The following SLAMF9 variants were observed in gnomAD, a reference collection of about 807,000 sequenced individuals.
The protein encoded by SLAMF9 is CD2 family member 10.
In SLAMF9, 25 loss-of-function variants were observed where a neutral mutation model predicts 30.4. That is an observed-to-expected ratio of 0.82 (90% CI 0.60 to 1.15). The LOEUF (loss-of-function observed/expected upper bound fraction) is 1.15. Among genes scored for constraint, SLAMF9 ranks in the 50% most tolerant of loss-of-function variants. The pLI, the probability that SLAMF9 is intolerant of heterozygous loss-of-function variation, is 0.00. For missense variants in SLAMF9, 344 were observed against 346.1 expected (o/e 0.99, Z 0.05); for synonymous variants, 129 against 127.2 (o/e 1.01, Z -0.09).
the SLAMF9 span, chr1:159,972,982 C>T: frequency 7.6e-7 from 1 of 1,319,534 alleles, no homozygotes; most frequent in Non-Finnish European, 1.0e-6. Context: ...CGTCGCCACT[C>T]CCTCGCTCAT....
rs758901028 is a variant in SLAMF9 at position 159,953,657 on chromosome 1, T to C, written c.47-4A>G. The C allele has an allele frequency of 9.4e-6, 15 of 1,587,690 alleles. No homozygotes were observed. Among genetic ancestry groups the C allele is most frequent in the Admixed American group, 5.1e-5 (3 of 58,526 alleles). On this transcript the variant is annotated splice_polypyrimidine_tract_variant and splice_region_variant and intron_variant, in intron 1 of 3. Coordinates refer to ENST00000368093, the MANE Select transcript of SLAMF9 (RefSeq NM_033438.4). ...CTCCAGAGTCTCCTTTGGCTGCCTA[T>C]GCAGGAAGAAAAGAGAAGCAAACAA... is the stretch of plus-strand genomic sequence containing the variant.
At chr1:159,955,411 C>G (rs946983250), upstream of SLAMF9, among the ~76,000 whole-genome samples, 63 of 152,210 alleles carry the variant, frequency 4.1e-4, no homozygotes, top group Non-Finnish European at 6.5e-4. Flanking sequence ...TAAGTTTCTT[C>G]TAATAATCAA....
chr1:159,977,596 G>A, the SLAMF9 span, among the ~76,000 whole-genome samples: 1 of 152,212 alleles, frequency 6.6e-6, no homozygotes, highest in Non-Finnish European at 1.5e-5. Flanking sequence ...GAGAAGCCTG[G>A]TGTAAATGGA....
the SLAMF9 span, chr1:159,972,883 G>A: frequency 1.0e-6 from 1 of 995,796 alleles, no homozygotes; most frequent in Non-Finnish European, 1.4e-6. Flanking sequence ...GACCACCCAA[G>A]ACCCTGGCTC....
At chr1:159,973,932 G>A in the SLAMF9 span, 1 of 1,612,180 alleles carries the variant, frequency 6.2e-7, no homozygotes, top group Non-Finnish European at 8.5e-7. Flanking sequence ...GTTTTCCTTA[G>A]AGAAATGAAG....
the SLAMF9 span, among the ~76,000 whole-genome samples, chr1:159,971,841 C>T: frequency 8.5e-4 from 129 of 152,012 alleles, no homozygotes; most frequent in Non-Finnish European, 1.6e-3. Flanking sequence ...ATCTTCAGGC[C>T]GCACCTGGAC....
At chr1:159,957,656 GT>G (rs1355477299), upstream of SLAMF9, among the ~76,000 whole-genome samples, 3 of 152,156 alleles carry the variant, frequency 2.0e-5, no homozygotes, top group East Asian at 5.8e-4. Flanking sequence ...GATTTTCAGT[GT>G]TCTTACCACA....
chr1:159,953,656 A>T lies in SLAMF9; in HGVS notation c.47-3T>A. On this transcript the variant is annotated splice_polypyrimidine_tract_variant and splice_region_variant and intron_variant, in intron 1 of 3. Transcript: ENST00000368093. ...TCTCCAGAGTCTCCTTTGGCTGCCT[A>T]TGCAGGAAGAAAAGAGAAGCAAACA... 1 of 1,587,452 alleles carries T rather than the reference A, an allele frequency of 6.3e-7. No individual in the cohort carries two copies. Among genetic ancestry groups the T allele is most frequent in the Non-Finnish European group, 8.6e-7 (1 of 1,163,674 alleles).
At position 159,952,409 on chromosome 1, in the gene SLAMF9, C is replaced by T. The variant is rs1364611108; in HGVS notation, c.517G>A (p.Gly173Arg). 3 of 1,613,964 alleles carry T rather than the reference C, an allele frequency of 1.9e-6. No individual in the cohort carries two copies. Among genetic ancestry groups the T allele is most frequent in the African/African-American group, 2.7e-5 (2 of 74,868 alleles). Residue 173 changes from glycine to arginine, a missense_variant, in exon 3 of 4, where the codon GGG becomes AGG. Physicochemically the swap from Gly to Arg is moderately radical, Grantham distance 125 (BLOSUM62 -2). Coordinates refer to ENST00000368093, the MANE Select transcript of SLAMF9 (RefSeq NM_033438.4). ...MDMTYSWLSR[G>R]DSTYTFHEGP... ...TCATGGAATGTATAAGTGCTATCCC[C>T]CCGGGAGAGCCAGCTGTAGGTCATA...
chr1:159,977,684 G>A, the SLAMF9 span, among the ~76,000 whole-genome samples: 1 of 152,182 alleles, frequency 6.6e-6, no homozygotes, highest in Non-Finnish European at 1.5e-5. Flanking sequence ...AAAGGACCCT[G>A]AGGCTTTCTC....
chr1:159,951,757 TCGGATGACC>T lies in SLAMF9; in HGVS notation c.765_773del (p.Trp255_Arg258delinsTer), dbSNP rs1651752575. 1 of 1,614,046 alleles carries T rather than the reference TCGGATGACC, an allele frequency of 6.2e-7. No individual in the cohort carries two copies. Among genetic ancestry groups the T allele is most frequent in the South Asian group, 1.1e-5 (1 of 91,090 alleles). ...TTGGCATTTTGTGTCTTTTCTGGAC[TCGGATGACC>T]CAGAGTCCCATGGCCAGAATTACCA... is the stretch of plus-strand genomic sequence containing the variant. On this transcript the variant is annotated stop_gained and inframe_deletion, in exon 4 of 4. Transcript: ENST00000368093. LOFTEE classifies it high-confidence loss of function.
the SLAMF9 span, among the ~76,000 whole-genome samples, chr1:159,971,674 T>G: frequency 3.3e-5 from 5 of 152,144 alleles, no homozygotes; most frequent in Admixed American, 6.5e-5. Flanking sequence ...TGACTTGGAC[T>G]CGTTCTATCA....
At chr1:159,955,687 T>C (rs1651908543), upstream of SLAMF9, among the ~76,000 whole-genome samples, 1 of 152,246 alleles carries the variant, frequency 6.6e-6, no homozygotes, top group Non-Finnish European at 1.5e-5. Context: ...ACAAGTTTGA[T>C]GAATCTTACC....
At chr1:159,951,976 G>T in intron 3 of SLAMF9, 110 bp from the exon 4 acceptor site, 2 of 893,828 alleles carry the variant, frequency 2.2e-6, no homozygotes, top group South Asian at 1.6e-5. Context: ...ACAATCAGTT[G>T]AAGTCCCCTT....
chr1:159,976,299 A>T, the SLAMF9 span, among the ~76,000 whole-genome samples: 1 of 152,194 alleles, frequency 6.6e-6, no homozygotes, highest in Admixed American at 6.5e-5. Flanking sequence ...AACAAGGTAG[A>T]TCCATAAATA....
At chr1:159,973,665 C>T in the SLAMF9 span, 8 of 760,098 alleles carry the variant, frequency 1.1e-5, no homozygotes, top group African/African-American at 3.5e-5. Context: ...TGGGAAACCT[C>T]GGGTCCCCAC....
In SLAMF9 at chr1:159,953,605, G is replaced by A. The variant is rs61732670; in HGVS notation, c.95C>T (p.Ala32Val). 2.1e-3 allele frequency: 3,370 copies of A among 1,612,270 alleles called. 77 individuals are homozygous for A. In the African/African-American group the frequency reaches 0.039, roughly 19 times the overall value. The change falls in exon 2 of 4, where the codon GCG (alanine) becomes GTG (valine). Residue 32 changes from alanine to valine, a missense_variant. Physicochemically the swap from Ala to Val is moderately conservative, Grantham distance 64. Transcript: ENST00000368093. ...GAGGCTGATGGACTCCTGAAGGACC[G>A]CAACCACTTCCTCGGATCCACACCA... is the stretch of plus-strand genomic sequence containing the variant. ...WRWCGSEEVVAVLQESISLPL... is the reference protein window; with the variant it reads ...WRWCGSEEVVVVLQESISLPL...
upstream of SLAMF9, among the ~76,000 whole-genome samples, chr1:159,958,184 G>T (rs959569729): frequency 2.6e-5 from 4 of 152,242 alleles, no homozygotes; most frequent in African/African-American, 9.6e-5. Context: ...GATCCCGAAG[G>T]TGCTGCAGCT....
At chr1:159,975,962 T>C in the SLAMF9 span, among the ~76,000 whole-genome samples, 8 of 152,332 alleles carry the variant, frequency 5.3e-5, no homozygotes, top group African/African-American at 1.9e-4. Context: ...TTAAAGTCTA[T>C]ATGTAACTTC....
Sources: allele counts gnomAD v4.1 joint callset (sites outside exome capture counted in the v4.1 genomes callset), GRCh38; gene constraint gnomAD v4.1.1; transcripts MANE v1.5; gene names NCBI Gene and HGNC (gene_info 2026-07-23, HGNC 2026-07-21).